The following IFT52 variants were observed in gnomAD, a reference collection of about 807,000 sequenced individuals.
IFT52 encodes intraflagellar transport protein 52 homolog.
In IFT52, 44 loss-of-function variants were observed where a neutral mutation model predicts 54.4. The ratio of observed to expected loss-of-function variants is 0.81; its 90% confidence interval spans 0.63 to 1.04. IFT52 has a LOEUF of 1.04. Ranked by LOEUF, IFT52 falls within the 50% of genes least tolerant of loss-of-function variation. The pLI, the probability that IFT52 is intolerant of heterozygous loss-of-function variation, is 0.00. For synonymous variants in IFT52, 181 were observed against 185.3 expected (o/e 0.98, Z 0.19); for missense variants, 452 against 523.6 (o/e 0.86, Z 1.33).
chr20:43,642,168 G>T, intron 12 of IFT52: 1 of 243,100 alleles, frequency 4.1e-6, no homozygotes. Context: ...GTTGCATTCA[G>T]GGAATGATAA....
chr20:43,638,304 C>T (rs1458424781), intron 12 of IFT52, among the ~76,000 whole-genome samples: 1 of 152,082 alleles, frequency 6.6e-6, no homozygotes, highest in African/African-American at 2.4e-5. Context: ...GATTCTCCTG[C>T]CTCAGCCTCC....
intron 6 of IFT52, among the ~76,000 whole-genome samples, chr20:43,611,891 G>T (rs191898015): frequency 6.6e-6 from 1 of 151,544 alleles, no homozygotes; most frequent in East Asian, 2.0e-4. Context: ...GTAGCCGGGC[G>T]TGGTGGTGCA....
intron 8 of IFT52, among the ~76,000 whole-genome samples, chr20:43,620,456 G>A (rs571862316): frequency 1.3e-5 from 2 of 152,156 alleles, no homozygotes; most frequent in East Asian, 1.9e-4. Context: ...TCAAGAATTC[G>A]AGGCCAGCCT....
chr20:43,643,252 G>A (rs1478041377), intron 13 of IFT52, among the ~76,000 whole-genome samples: 2 of 59,978 alleles, frequency 3.3e-5, no homozygotes, highest in Non-Finnish European at 8.1e-5. Context: ...TTGGGAGGCC[G>A]AGGCAGGTGG....
At chr20:43,597,183 C>G (rs1241219006) in intron 3 of IFT52, among the ~76,000 whole-genome samples, 5 of 151,766 alleles carry the variant, frequency 3.3e-5, no homozygotes, top group Non-Finnish European at 5.9e-5. Flanking sequence ...ACCACCCTGA[C>G]CAACATGGAG....
rs1983667672 is a variant in IFT52 at position 43,614,081 on chromosome 20, T to C, written c.612+105T>C. 7.0e-6 allele frequency: 7 copies of C among 1,005,904 alleles called. No individual in the cohort carries two copies. The South Asian group carries it at 9.3e-5, about 13-fold the overall frequency. 62.3% of individuals were successfully genotyped at this position (1,005,904 alleles called of 1,614,324 possible). ...GCTTCTATATGTTTTCTCACTGGTCTTCCTGCCAGTCCTGCAAAGTAGCAT... is the reference window on the plus strand; with the variant it reads ...GCTTCTATATGTTTTCTCACTGGTCCTCCTGCCAGTCCTGCAAAGTAGCAT... On this transcript the variant is annotated intron_variant, in intron 7 of 13. Transcript: ENST00000373030.
At chr20:43,597,902 A>AAC (rs1555801016) in intron 3 of IFT52, among the ~76,000 whole-genome samples, 1 of 151,090 alleles carries the variant, frequency 6.6e-6, no homozygotes. Flanking sequence ...AAAAAAAAAA[A>AAC]AAAAAAAAAC....
intron 3 of IFT52, 37 bp downstream of exon 3, chr20:43,596,559 T>C: frequency 7.4e-7 from 1 of 1,345,090 alleles, no homozygotes. Context: ...TATGGTGAAA[T>C]GATTAGGAGT....
chr20:43,596,350 C>T (rs1981957847), intron 2 of IFT52, 85 bp from the exon 3 acceptor site: 1 of 836,168 alleles, frequency 1.2e-6, no homozygotes, highest in African/African-American at 1.7e-5. Flanking sequence ...GTGGCCTCTG[C>T]TTCCAAATAG....
At chr20:43,621,324 C>A (rs1568764587) in intron 9 of IFT52, among the ~76,000 whole-genome samples, 1 of 152,194 alleles carries the variant, frequency 6.6e-6, no homozygotes, top group East Asian at 1.9e-4. Flanking sequence ...TTTAACAGTT[C>A]TAAAGGCATT....
At chr20:43,608,362 C>G (rs1328752067) in intron 6 of IFT52, among the ~76,000 whole-genome samples, 1 of 152,144 alleles carries the variant, frequency 6.6e-6, no homozygotes, top group East Asian at 1.9e-4. Context: ...ATGGAGTATT[C>G]TAGTAAACAT....
intron 10 of IFT52, among the ~76,000 whole-genome samples, chr20:43,633,684 G>A (rs1398033423): frequency 6.6e-6 from 1 of 152,112 alleles, no homozygotes; most frequent in African/African-American, 2.4e-5. Context: ...CTCCAGCCTG[G>A]GCGACAGAGT....
At chr20:43,625,567 C>A (rs1364392484) in intron 10 of IFT52, among the ~76,000 whole-genome samples, 2 of 151,732 alleles carry the variant, frequency 1.3e-5, no homozygotes, top group Non-Finnish European at 2.9e-5. Context: ...TGAGGAAAAA[C>A]CTGAAGGAGG....
chr20:43,637,501 G>A (rs145054810), intron 12 of IFT52, among the ~76,000 whole-genome samples: 3,563 of 152,268 alleles, frequency 0.023, 55 homozygotes, highest in Non-Finnish European at 0.033. Context: ...GACCTCAGGC[G>A]ATCAGCCCGC....
At chr20:43,645,864 A>T (rs111516675) in intron 13 of IFT52, among the ~76,000 whole-genome samples, 14,897 of 42,628 alleles carry the variant, frequency 0.35, 6,997 homozygotes, top group African/African-American at 0.83. Context: ...GACCCTGTTT[A>T]AAAAAAAAAA....
intron 6 of IFT52, 94 bp from the exon 7 acceptor site, chr20:43,613,756 A>G (rs1187332746): frequency 2.3e-6 from 3 of 1,289,764 alleles, no homozygotes; most frequent in Non-Finnish European, 3.3e-6. Context: ...GACTGTTTCA[A>G]AAAAGAGTGT....
intron 6 of IFT52, among the ~76,000 whole-genome samples, chr20:43,606,956 A>G (rs1049140002): frequency 1.3e-5 from 2 of 152,256 alleles, no homozygotes; most frequent in Admixed American, 1.3e-4. Flanking sequence ...AGTACAGAAC[A>G]AAATGAAAAG....
intron 11 of IFT52, among the ~76,000 whole-genome samples, chr20:43,636,278 G>A (rs1985535481): frequency 2.0e-5 from 3 of 152,184 alleles, no homozygotes; most frequent in East Asian, 1.9e-4. Context: ...TGGGGTTGGA[G>A]GGCATATATG....
intron 12 of IFT52, among the ~76,000 whole-genome samples, chr20:43,639,475 A>G (rs751556684): frequency 1.8e-4 from 27 of 152,144 alleles, no homozygotes; most frequent in Non-Finnish European, 3.4e-4. Context: ...GTTCAAGACC[A>G]GCCTGACCAA....
Sources: gnomAD v4.1 joint callset for allele counts (sites outside exome capture counted in the v4.1 genomes callset) on GRCh38, gnomAD v4.1.1 for gene constraint, MANE v1.5 for transcripts, NCBI Gene and HGNC (gene_info 2026-07-23, HGNC 2026-07-21) for gene names.